PUS1: variants seen among roughly 807,000 people sequenced by gnomAD.
The protein encoded by PUS1 is pseudouridine synthase 1.
In PUS1, 25 loss-of-function variants were observed where a neutral mutation model predicts 38.5. The observed-to-expected ratio is 0.65, with a 90% CI of 0.47 to 0.91. The LOEUF (loss-of-function observed/expected upper bound fraction) is 0.91, where lower values mean the gene tolerates loss of function less well. PUS1 is among the 40% of genes least tolerant of loss of function. The pLI, the probability that PUS1 is intolerant of heterozygous loss-of-function variation, is 0.00. For synonymous variants in PUS1, 282 were observed against 260.4 expected (o/e 1.08, Z -0.80); for missense variants, 597 against 612.3 (o/e 0.97, Z 0.26).
intron 3 of PUS1, chr12:131,934,620 A>G (rs1250074849): frequency 6.6e-6 from 1 of 152,074 alleles, no homozygotes; most frequent in Admixed American, 6.5e-5. Flanking sequence ...TACTCTAATT[A>G]TTTTCTTTAT....
At position 131,933,195 on chromosome 12, in the gene PUS1, A is replaced by AT. The variant is rs34546409; in HGVS notation, c.441+904dup. ...CAGGCACTCCACCATGCCTGGCTAA[A>AT]TTTTTTTTTTTTTTTTTTTTTAATA... On this transcript the variant is annotated intron_variant, in intron 3 of 5. Coordinates refer to ENST00000376649, the MANE Select transcript of PUS1 (RefSeq NM_025215.6). Among the ~76,000 whole-genome samples the AT allele has an allele frequency of 4.5e-3, 613 of 135,782 alleles. 4 individuals carry two copies. Among genetic ancestry groups the AT allele is most frequent in the African/African-American group, 8.0e-3 (291 of 36,534 alleles). The allele number at this position is 135,782 out of a possible 152,430, so 89.1% of individuals were successfully genotyped here.
rs777605316 is a variant in PUS1, at chr12:131,941,642, G to A, written c.895G>A (p.Gly299Ser). The change falls in exon 5 of 6, where the codon GGC becomes AGC. Residue 299 changes from glycine to serine, a missense_variant. By Grantham distance (56) the Gly-to-Ser change is moderately conservative. Coordinates refer to ENST00000376649, the MANE Select transcript of PUS1 (RefSeq NM_025215.6). This position sits in a 1 kb window ranked among gnomAD's most constrained non-coding sequence, Gnocchi z 4.4. ...FMMHQIRKMV[G>S]LVVAIVKGYA... ...GATGCATCAGATCCGGAAGATGGTC[G>A]GCCTGGTGGTGGCCATTGTGAAGGG... 7.4e-6 allele frequency: 12 copies of A among 1,614,212 alleles called. No individual in the cohort carries two copies. Among genetic ancestry groups the A allele is most frequent in the South Asian group, 2.2e-5 (2 of 91,090 alleles).
At chr12:131,943,411 C>G in intron 5 of PUS1, 128 bp from the exon 6 acceptor site, 1 of 810,206 alleles carries the variant, frequency 1.2e-6, no homozygotes, top group Non-Finnish European at 2.2e-6. Flanking sequence ...AAACACCAGA[C>G]TCTGCTCCTG....
chr12:131,938,499 TAAAC>T (rs1051938096), intron 3 of PUS1, among the ~76,000 whole-genome samples: 41 of 152,126 alleles, frequency 2.7e-4, no homozygotes, highest in East Asian at 1.9e-3. Flanking sequence ...AGAGGTGAAA[TAAAC>T]AAACAGTAAA....
Position 131,943,629 on chromosome 12 carries a change from A to T in PUS1, c.*43A>T. 6.5e-7 allele frequency: 1 copy of T among 1,541,710 alleles called. No homozygotes were observed. Among genetic ancestry groups the T allele is most frequent in the Non-Finnish European group, 9.0e-7 (1 of 1,115,898 alleles). ...ACCAGAGTGCCTCTGAGCAGCTCACAGTGTGTGCCCAGATGTGCCACCCCT... is the reference window on the plus strand; with the variant it reads ...ACCAGAGTGCCTCTGAGCAGCTCACTGTGTGTGCCCAGATGTGCCACCCCT... On this transcript the variant is annotated 3_prime_UTR_variant, in exon 6 of 6. Transcript: ENST00000376649.
At chr12:131,935,700 A>T (rs1248186119) in intron 3 of PUS1, among the ~76,000 whole-genome samples, 1 of 151,542 alleles carries the variant, frequency 6.6e-6, no homozygotes, top group Non-Finnish European at 1.5e-5. Flanking sequence ...CGCCCGGCTG[A>T]TTTTGTATTT....
At chr12:131,939,137 ACCCACCTTC>A in intron 3 of PUS1, 27 bp from the exon 4 acceptor site, 2 of 1,403,972 alleles carry the variant, frequency 1.4e-6, no homozygotes, top group Non-Finnish European at 2.0e-6. Context: ...GGCCCAAGGG[ACCCACCTTC>A]CGTCACCCGT....
At chr12:131,934,230 T>C (rs1890729066) in intron 3 of PUS1, among the ~76,000 whole-genome samples, 1 of 152,238 alleles carries the variant, frequency 6.6e-6, no homozygotes, top group Non-Finnish European at 1.5e-5. Context: ...TTAAGCCCGC[T>C]GATGACTGCG....
In PUS1 at chr12:131,945,841, A is replaced by G. The variant is rs1044122388; in HGVS notation, c.*2255A>G. ...ACTTTTGATGATCCTGGGGTATGTG[A>G]CATTTTAAAATAATATGTATATATG... On this transcript the variant is annotated 3_prime_UTR_variant, in exon 6 of 6. Transcript: ENST00000376649. The G allele has an allele frequency of 6.6e-6, 1 of 152,176 alleles. No individual in the cohort carries two copies. Among genetic ancestry groups the G allele is most frequent in the Non-Finnish European group, 1.5e-5 (1 of 68,026 alleles). 9.4% of individuals were successfully genotyped at this position (152,176 alleles called of 1,614,324 possible). A position where few individuals can be genotyped will look rare whatever the true frequency, so the allele number is the denominator to read the frequency against.
At position 131,939,110 on chromosome 12, in the gene PUS1, CAG is replaced by C. The variant is rs913311852; in HGVS notation, c.442-59_442-58del. On this transcript the variant is annotated intron_variant, in intron 3 of 5. Coordinates refer to ENST00000376649, the MANE Select transcript of PUS1 (RefSeq NM_025215.6). ...TAAGGTCCGCGTAGTCCTTCTTTCT[CAG>C]AGACCAGCGTGCGAGGCCCAAGGGA... 5 of 1,048,846 alleles carry C rather than the reference CAG, an allele frequency of 4.8e-6. No homozygotes were observed. The Admixed American group carries it at 7.9e-5, about 17-fold the overall frequency. The allele number at this position is 1,048,846 out of a possible 1,614,324, so 65.0% of individuals were successfully genotyped here.
At chr12:131,933,784 G>A (rs970580183) in intron 3 of PUS1, among the ~76,000 whole-genome samples, 2 of 152,200 alleles carry the variant, frequency 1.3e-5, no homozygotes, top group South Asian at 2.1e-4. Flanking sequence ...CTTCATGTGC[G>A]GAGACAAGAG....
intron 3 of PUS1, among the ~76,000 whole-genome samples, chr12:131,934,129 C>T (rs1250659709): frequency 6.6e-6 from 1 of 152,246 alleles, no homozygotes; most frequent in African/African-American, 2.4e-5. Flanking sequence ...CTACTGCTAT[C>T]TTCTAAGAAC....
chr12:131,942,058 A>G, intron 5 of PUS1, 75 bp downstream of exon 5: 1 of 1,345,652 alleles, frequency 7.4e-7, no homozygotes, highest in South Asian at 1.2e-5. Context: ...GAGTGAGCTG[A>G]GGCACAGAGA....
At position 131,941,445 on chromosome 12, in the gene PUS1, A is replaced by G. The variant is rs756905051; in HGVS notation, c.698A>G (p.Asn233Ser). ...RLSAETLQQV[N>S]RLLACYKGTH... ...AGCGCCGAGACGCTGCAGCAGGTCAACAGGCTCCTGGCCTGCTACAAGGGC... is the reference window on the plus strand; with the variant it reads ...AGCGCCGAGACGCTGCAGCAGGTCAGCAGGCTCCTGGCCTGCTACAAGGGC... The change falls in exon 5 of 6, where the codon AAC (asparagine) becomes AGC (serine). Residue 233 changes from asparagine (N) to serine (S), a missense_variant. Physicochemically the swap from Asn to Ser is conservative, Grantham distance 46 (BLOSUM62 1). Transcript: ENST00000376649. This position sits in a 1 kb window ranked among gnomAD's most constrained non-coding sequence, Gnocchi z 4.4. 3.9e-5 allele frequency: 63 copies of G among 1,613,230 alleles called. No homozygotes were observed. The highest frequency in any genetic ancestry group is 5.2e-5 in the Non-Finnish European group (61 of 1,179,296).
intron 4 of PUS1, among the ~76,000 whole-genome samples, chr12:131,939,697 C>T (rs1478141849): frequency 1.3e-5 from 2 of 152,184 alleles, no homozygotes; most frequent in Non-Finnish European, 2.9e-5. Context: ...CTCTGTCACC[C>T]AGGCTGGAGT....
Position 131,941,287 on chromosome 12 carries a change from C to T in PUS1, c.545-5C>T, listed in dbSNP as rs376656565. 6.3e-5 allele frequency: 102 copies of T among 1,613,674 alleles called. No individual in the cohort carries two copies. Among genetic ancestry groups the T allele is most frequent in the Admixed American group, 1.3e-4 (8 of 60,006 alleles). On this transcript the variant is annotated splice_region_variant and splice_polypyrimidine_tract_variant and intron_variant, in intron 4 of 5. Coordinates refer to ENST00000376649, the MANE Select transcript of PUS1 (RefSeq NM_025215.6). This position sits in a 1 kb window ranked among gnomAD's most constrained non-coding sequence, Gnocchi z 4.4. ...CTTTCTCCTCCCTGACCACCTCCCC[C>T]CTAGGACTGAAGCGGGTCACGGGCG...
chr12:131,933,052 A>G (rs2136433419), intron 3 of PUS1, among the ~76,000 whole-genome samples: 1 of 152,196 alleles, frequency 6.6e-6, no homozygotes, highest in East Asian at 1.9e-4. Context: ...CGAGAACAGC[A>G]TGGGGGAAGC....
In PUS1 at chr12:131,941,522, G is replaced by C; in HGVS notation, c.775G>C (p.Ala259Pro). Residue 259 changes from alanine to proline, a missense_variant, in exon 5 of 6, where the codon GCC becomes CCC. Ala to Pro is a conservative substitution (Grantham distance 27). Coordinates refer to ENST00000376649, the MANE Select transcript of PUS1 (RefSeq NM_025215.6). This position sits in a 1 kb window ranked among gnomAD's most constrained non-coding sequence, Gnocchi z 4.4. ...GCAGAAGGGGCCGCAGGATCCCAGT[G>C]CCTGCCGCTACATCCTGGAGATGTA... is the stretch of plus-strand genomic sequence containing the variant. ...TSQKGPQDPS[A>P]CRYILEMYCE... 1.2e-6 allele frequency: 2 copies of C among 1,614,180 alleles called. No individual in the cohort carries two copies. The highest frequency in any genetic ancestry group is 1.7e-6 in the Non-Finnish European group (2 of 1,180,006).
At chr12:131,935,118 G>T (rs2136435982) in intron 3 of PUS1, among the ~76,000 whole-genome samples, 1 of 146,560 alleles carries the variant, frequency 6.8e-6, no homozygotes, top group South Asian at 2.3e-4. Flanking sequence ...CACTCCTAGT[G>T]GGTGAGAACA....
Sources: allele counts gnomAD v4.1 joint callset (sites outside exome capture counted in the v4.1 genomes callset), GRCh38; gene constraint gnomAD v4.1.1; non-coding constraint Gnocchi (gnomAD v3.1); transcripts MANE v1.5; gene names NCBI Gene and HGNC (gene_info 2026-07-23, HGNC 2026-07-21).